The following GAB3 variants were observed in gnomAD, a reference collection of about 807,000 sequenced individuals.
GAB3 encodes the protein GRB2 associated binding protein 3.
Under a neutral mutation model 40.4 loss-of-function variants are expected in GAB3, and 12 were observed. The ratio of observed to expected loss-of-function variants is 0.30; its 90% CI spans 0.19 to 0.48. The LOEUF is 0.48. Among genes scored for constraint, GAB3 ranks in the 20% least tolerant of loss-of-function variants. The pLI, the probability that GAB3 is intolerant of heterozygous loss-of-function variation, is 0.99. For missense variants in GAB3, 381 were observed against 461.9 expected, an observed-to-expected ratio of 0.82 and a Z score of 1.61; for synonymous variants, 154 against 176.7, an observed-to-expected ratio of 0.87 and a Z score of 1.02.
At chrX:154,680,045 A>G in intron 9 of GAB3, 87 bp downstream of exon 9, 1 of 624,790 alleles carries the variant, frequency 1.6e-6, no homozygotes, top group Admixed American at 2.7e-5. Context: ...AACACTTTCT[A>G]AGGAGAATAT....
In GAB3 at chrX:154,676,638, G is replaced by C. The variant is rs917319250; in HGVS notation, c.*1540C>G. The C allele has an allele frequency of 8.9e-5, 10 of 112,065 alleles. No homozygotes were observed. The highest frequency in any genetic ancestry group is 2.8e-4 in the Admixed American group (3 of 10,610). The allele number at this position is 112,065 out of a possible 1,213,427, so 9.2% of individuals were successfully genotyped here. A position where few individuals can be genotyped will look rare whatever the true frequency, so the allele number is the denominator to read the frequency against. ...TGAAAATCAAAATGACTTCTTGTAT[G>C]GTCTGAAAAAAGAAGACTTTGGCAT... On this transcript the variant is annotated 3_prime_UTR_variant, in exon 10 of 10. Transcript: ENST00000424127.
chrX:154,696,021 T>C lies in GAB3; in HGVS notation c.1428-2A>G. The stretch of plus-strand genomic sequence containing the variant: ...GGAGAGAGAAAGCTGGTTCGACTGC[T>C]AAGAATAAAAATATAGATGAGGTCA... On this transcript the variant is annotated splice_acceptor_variant, in intron 7 of 9. Coordinates refer to ENST00000424127, the MANE Select transcript of GAB3 (RefSeq NM_001081573.3). LOFTEE classifies it high-confidence loss of function. 8.8e-7 allele frequency: 1 copy of C among 1,133,849 alleles called. No individual in the cohort carries two copies. The highest frequency in any genetic ancestry group is 1.2e-6 in the Non-Finnish European group (1 of 828,007). 93.4% of individuals were successfully genotyped at this position (1,133,849 alleles called of 1,213,427 possible).
At chrX:154,723,855 G>T (rs1463230845) in intron 1 of GAB3, among the ~76,000 whole-genome samples, 2 of 111,509 alleles carry the variant, frequency 1.8e-5, no homozygotes, top group Non-Finnish European at 3.8e-5. Context: ...AAAGTCAGGA[G>T]ACCTGAATTT....
At chrX:154,736,439 A>G (rs1557260537) in intron 1 of GAB3, among the ~76,000 whole-genome samples, 1 of 112,704 alleles carries the variant, frequency 8.9e-6, no homozygotes, top group African/African-American at 3.2e-5. Flanking sequence ...AATACCACCT[A>G]GGAAGAGTTC....
At chrX:154,692,741 T>C (rs2070591874) in intron 8 of GAB3, among the ~76,000 whole-genome samples, 1 of 111,719 alleles carries the variant, frequency 9.0e-6, no homozygotes, top group Non-Finnish European at 1.9e-5. Flanking sequence ...TGAGCCGAGC[T>C]TGCGCCACTG....
At position 154,699,299 on chromosome X, in the gene GAB3, C is replaced by T. The variant is rs782011355; in HGVS notation, c.1340G>A (p.Arg447Lys). The T allele has an allele frequency of 8.3e-7, 1 of 1,204,810 alleles. No homozygotes were observed. Among genetic ancestry groups the T allele is most frequent in the South Asian group, 1.8e-5 (1 of 56,567 alleles). ...PPVNRDLKPQ[R>K]KSRPPPLDLR... ...AGGCCTGGTCAAGTGCTTACATTTC[C>T]TCTGAGGCTTGAGATCTCTATTCAC... is the stretch of plus-strand genomic sequence containing the variant. The change falls in exon 6 of 10, where the codon AGG becomes AAG. Residue 447 changes from arginine to lysine, a missense_variant. Physicochemically the swap from Arg to Lys is conservative, Grantham distance 26. This residue lies in a region of GAB3 where 364 missense variants were observed against 421.0 expected (regional missense o/e 0.86). Coordinates refer to ENST00000424127, the MANE Select transcript of GAB3 (RefSeq NM_001081573.3).
intron 4 of GAB3, among the ~76,000 whole-genome samples, chrX:154,710,280 A>C (rs1557255366): frequency 8.9e-6 from 1 of 112,017 alleles, no homozygotes; most frequent in African/African-American, 3.3e-5. Context: ...AATCCTCCTC[A>C]AATCCCCAAT....
At chrX:154,700,360 T>C (rs2070723453) in intron 4 of GAB3, among the ~76,000 whole-genome samples, 1 of 110,971 alleles carries the variant, frequency 9.0e-6, no homozygotes, top group Non-Finnish European at 1.9e-5. Flanking sequence ...AGGAGAGAGG[T>C]TTGAAATATT....
chrX:154,711,208 G>A (rs1056213583), intron 4 of GAB3, among the ~76,000 whole-genome samples: 1 of 111,821 alleles, frequency 8.9e-6, no homozygotes, highest in East Asian at 2.8e-4. Context: ...AGTGATGTGT[G>A]GGTGATTATA....
chrX:154,728,667 C>A (rs951815709), intron 1 of GAB3, among the ~76,000 whole-genome samples: 2 of 112,294 alleles, frequency 1.8e-5, no homozygotes, highest in Admixed American at 1.9e-4. Context: ...TCCTGGAAAC[C>A]AAGCCACACC....
intron 1 of GAB3, among the ~76,000 whole-genome samples, chrX:154,747,405 A>G (rs1369408172): frequency 8.8e-6 from 1 of 113,057 alleles, no homozygotes; most frequent in Non-Finnish European, 1.9e-5. Context: ...TCGGTATGCA[A>G]GAAAAGAAAC....
chrX:154,703,987 C>T (rs1189252244), intron 4 of GAB3, among the ~76,000 whole-genome samples: 2 of 111,768 alleles, frequency 1.8e-5, no homozygotes, highest in Admixed American at 1.9e-4. Context: ...TTGGAAGCAA[C>T]CAAAGTGCCC....
intron 1 of GAB3, among the ~76,000 whole-genome samples, chrX:154,725,986 T>C (rs1557259337): frequency 9.0e-6 from 1 of 111,056 alleles, no homozygotes; most frequent in Non-Finnish European, 1.9e-5. Flanking sequence ...AAACAAAAAT[T>C]CAACACTCTA....
intron 8 of GAB3, among the ~76,000 whole-genome samples, chrX:154,686,916 G>A (rs974016545): frequency 4.5e-5 from 5 of 111,581 alleles, no homozygotes; most frequent in Admixed American, 1.9e-4. Context: ...TGAGCCAGGC[G>A]CGATGGCTCA....
chrX:154,699,974 T>A, intron 5 of GAB3, 30 bp downstream of exon 5: 1 of 1,161,608 alleles, frequency 8.6e-7, no homozygotes, highest in Non-Finnish European at 1.2e-6. Context: ...GTAAAATTGA[T>A]GCTTAAAAGA....
Sources: gnomAD v4.1 joint callset for allele counts (sites outside exome capture counted in the v4.1 genomes callset) on GRCh38, gnomAD v4.1.1 for gene constraint, gnomAD v4.1.1 regional missense constraint, MANE v1.5 for transcripts, NCBI Gene and HGNC (gene_info 2026-07-23, HGNC 2026-07-21) for gene names.